The following TRIM44 variants were observed in gnomAD, a reference collection of about 807,000 sequenced individuals.
TRIM44 encodes the protein tripartite motif containing 44, also known as tripartite motif-containing protein 44.
A neutral mutation model predicts 37.4 loss-of-function variants in TRIM44; 13 were observed. The observed-to-expected ratio is 0.35, with a 90% confidence interval of 0.23 to 0.55. TRIM44 has a LOEUF of 0.55. Ranked by LOEUF, TRIM44 falls within the 20% of genes least tolerant of loss-of-function variation. The pLI is 0.89. For synonymous variants in TRIM44, 175 were observed against 157.2 expected (o/e 1.11, Z -0.85); for missense variants, 426 against 437.2 (o/e 0.97, Z 0.23).
At chr11:35,695,390 A>G (rs1257545503) in intron 2 of TRIM44, among the ~76,000 whole-genome samples, 4 of 152,142 alleles carry the variant, frequency 2.6e-5, no homozygotes, top group African/African-American at 4.8e-5. Flanking sequence ...GTGTATCTAA[A>G]CAATTTCAGT....
chr11:35,705,034 A>C (rs1197009225), intron 2 of TRIM44, among the ~76,000 whole-genome samples: 3 of 148,992 alleles, frequency 2.0e-5, no homozygotes, highest in African/African-American at 7.5e-5. Flanking sequence ...GTGCAGAGAC[A>C]CACATAGGCT....
At chr11:35,782,877 A>G (rs1244181629) in intron 4 of TRIM44, among the ~76,000 whole-genome samples, 1 of 152,224 alleles carries the variant, frequency 6.6e-6, no homozygotes, top group Non-Finnish European at 1.5e-5. Context: ...TCTGCCAAAT[A>G]TATAATTTCA....
intron 4 of TRIM44, among the ~76,000 whole-genome samples, chr11:35,791,655 C>G (rs919285033): frequency 1.3e-5 from 2 of 152,198 alleles, no homozygotes; most frequent in Non-Finnish European, 2.9e-5. Flanking sequence ...AGAGTTTGTT[C>G]AAGCTGTTCC....
rs1254854083 is a variant in TRIM44, at chr11:35,816,266, C to T, written c.*9881C>T. Reference sequence around the variant, plus strand: ...AAATTGAATTTGTGAGAAAAAAAAACAGCTGAGACTGTTTCACAGAAGAGA... The same window carrying T: ...AAATTGAATTTGTGAGAAAAAAAAATAGCTGAGACTGTTTCACAGAAGAGA... On this transcript the variant is annotated 3_prime_UTR_variant, in exon 5 of 5. Transcript: ENST00000299413. 6.6e-6 allele frequency: 1 copy of T among 152,028 alleles called. No individual in the cohort carries two copies. Among genetic ancestry groups the T allele is most frequent in the Non-Finnish European group, 1.5e-5 (1 of 68,002 alleles). 9.4% of individuals were successfully genotyped at this position (152,028 alleles called of 1,614,324 possible). A position where few individuals can be genotyped will look rare whatever the true frequency, so the allele number is the denominator to read the frequency against.
intron 1 of TRIM44, among the ~76,000 whole-genome samples, chr11:35,679,161 T>G (rs1193263896): frequency 6.6e-6 from 1 of 152,150 alleles, no homozygotes; most frequent in African/African-American, 2.4e-5. Flanking sequence ...GTGGCTTATA[T>G]TTACATTTTT....
In TRIM44 at chr11:35,815,140, TAAG is replaced by T. The variant is rs1853567969; in HGVS notation, c.*8757_*8759del. On this transcript the variant is annotated 3_prime_UTR_variant, in exon 5 of 5. Coordinates refer to ENST00000299413, the MANE Select transcript of TRIM44 (RefSeq NM_017583.6). ...TATGTCCCAGGCCAGGAGATCAAATTAAGAGGAGGTTAGCTACTTTCCCTGGCT... is the reference window on the plus strand; with the variant it reads ...TATGTCCCAGGCCAGGAGATCAAATTAGGAGGTTAGCTACTTTCCCTGGCT... 1 of 152,120 alleles carries T rather than the reference TAAG, an allele frequency of 6.6e-6. No homozygotes were observed. The highest frequency in any genetic ancestry group is 1.5e-5 in the Non-Finnish European group (1 of 68,032). 9.4% of individuals were successfully genotyped at this position (152,120 alleles called of 1,614,324 possible).
chr11:35,678,931 C>T (rs1467017578), intron 1 of TRIM44, among the ~76,000 whole-genome samples: 1 of 151,962 alleles, frequency 6.6e-6, no homozygotes, highest in African/African-American at 2.4e-5. Flanking sequence ...TCTTCTGATC[C>T]TTTTCCACAA....
chr11:35,699,730 A>G (rs1851758032), intron 2 of TRIM44, among the ~76,000 whole-genome samples: 1 of 151,658 alleles, frequency 6.6e-6, no homozygotes, highest in African/African-American at 2.4e-5. Flanking sequence ...AAATCTCCTT[A>G]AGCCCATAGG....
At chr11:35,788,915 T>C (rs900155678) in intron 4 of TRIM44, among the ~76,000 whole-genome samples, 6 of 152,232 alleles carry the variant, frequency 3.9e-5, no homozygotes, top group African/African-American at 1.4e-4. Context: ...CTTAAACTTT[T>C]ACAGACAGAA....
intron 2 of TRIM44, among the ~76,000 whole-genome samples, chr11:35,686,197 G>A (rs145885093): frequency 2.6e-5 from 4 of 152,024 alleles, no homozygotes; most frequent in South Asian, 4.2e-4. Context: ...ACACCATAAC[G>A]GGGTGGAGGT....
chr11:35,760,850 A>G (rs1312703112), intron 4 of TRIM44, among the ~76,000 whole-genome samples: 2 of 152,186 alleles, frequency 1.3e-5, no homozygotes, highest in Admixed American at 1.3e-4. Flanking sequence ...TTTTATCTAT[A>G]GTCACCATGG....
chr11:35,710,957 A>G (rs1851962842), intron 2 of TRIM44, among the ~76,000 whole-genome samples: 1 of 152,238 alleles, frequency 6.6e-6, no homozygotes, highest in Non-Finnish European at 1.5e-5. Context: ...GACCAAATAT[A>G]TGATTCTATC....
At chr11:35,684,632 A>C (rs1177782343) in intron 1 of TRIM44, among the ~76,000 whole-genome samples, 3 of 152,210 alleles carry the variant, frequency 2.0e-5, no homozygotes, top group African/African-American at 7.2e-5. Context: ...AGTTAATGGC[A>C]AATCCAAAAT....
intron 1 of TRIM44, among the ~76,000 whole-genome samples, chr11:35,670,429 A>G (rs565587151): frequency 5.9e-5 from 9 of 152,340 alleles, no homozygotes; most frequent in African/African-American, 2.2e-4. Context: ...AAGTAGTGCT[A>G]GTCAGGTATT....
At chr11:35,746,324 A>T (rs1852490187) in intron 4 of TRIM44, among the ~76,000 whole-genome samples, 1 of 151,394 alleles carries the variant, frequency 6.6e-6, no homozygotes, top group Non-Finnish European at 1.5e-5. Context: ...ATTGGTGGTG[A>T]TGGTGTCTTT....
At chr11:35,759,394 C>T (rs1312980044) in intron 4 of TRIM44, among the ~76,000 whole-genome samples, 1 of 152,154 alleles carries the variant, frequency 6.6e-6, no homozygotes, top group African/African-American at 2.4e-5. Context: ...TCTAGTTAGC[C>T]ATTCGTCTAA....
intron 4 of TRIM44, among the ~76,000 whole-genome samples, chr11:35,755,096 G>T (rs770494571): frequency 3.9e-5 from 6 of 152,164 alleles, no homozygotes; most frequent in Non-Finnish European, 7.3e-5. Context: ...TTCCACAGTG[G>T]TTGGACTAGT....
intron 1 of TRIM44, among the ~76,000 whole-genome samples, chr11:35,677,766 C>A (rs1047666215): frequency 1.3e-5 from 2 of 152,076 alleles, no homozygotes; most frequent in Non-Finnish European, 2.9e-5. Flanking sequence ...AACTCTAAGT[C>A]ATGGAATTTA....
At chr11:35,663,804 T>C (rs1419205044) in intron 1 of TRIM44, 24 bp downstream of exon 1, 1 of 1,600,230 alleles carries the variant, frequency 6.2e-7, no homozygotes, top group Non-Finnish European at 8.5e-7. Context: ...CTTCAGAGCA[T>C]AAACCTAGGG....
Sources: allele counts gnomAD v4.1 joint callset (sites outside exome capture counted in the v4.1 genomes callset), GRCh38; gene constraint gnomAD v4.1.1; transcripts MANE v1.5; gene names NCBI Gene and HGNC (gene_info 2026-07-23, HGNC 2026-07-21).